The following FSTL5 variants were observed in gnomAD, a reference collection of about 807,000 sequenced individuals.
FSTL5 encodes follistatin like 5.
FSTL5 carries 62 observed loss-of-function variants against 89.1 expected under a neutral mutation model. That is an observed-to-expected ratio of 0.70 (90% CI 0.57 to 0.86). The LOEUF (loss-of-function observed/expected upper bound fraction) is 0.86. FSTL5 is among the 40% of genes least tolerant of loss of function. The pLI, the probability that FSTL5 is intolerant of heterozygous loss-of-function variation, is 0.00. For missense variants in FSTL5, 1,057 were observed against 1,001.6 expected, an observed-to-expected ratio of 1.06 and a Z score of -0.75; for synonymous variants, 383 against 346.2, an observed-to-expected ratio of 1.11 and a Z score of -1.18.
chr4:161,398,618 T>A (rs183251246), intron 15 of FSTL5, among the ~76,000 whole-genome samples: 3 of 152,268 alleles, frequency 2.0e-5, no homozygotes, highest in Admixed American at 2.0e-4. Flanking sequence ...AACTTCATTA[T>A]GTTTTAACTA....
chr4:162,163,347 A>G (rs1171065459), intron 1 of FSTL5, among the ~76,000 whole-genome samples: 1 of 151,380 alleles, frequency 6.6e-6, no homozygotes, highest in Non-Finnish European at 1.5e-5. Context: ...TTATAAAGCA[A>G]GATATAACAT....
intron 2 of FSTL5, among the ~76,000 whole-genome samples, chr4:162,078,075 T>C (rs1729941245): frequency 1.3e-5 from 2 of 151,844 alleles, no homozygotes; most frequent in Non-Finnish European, 2.9e-5. Context: ...CATCTGTACA[T>C]AGATGGACCA....
chr4:161,947,426 G>A (rs531291792), intron 3 of FSTL5, among the ~76,000 whole-genome samples: 3 of 152,104 alleles, frequency 2.0e-5, no homozygotes, highest in East Asian at 1.9e-4. Flanking sequence ...TATTCATGGA[G>A]TGAGTTGAAA....
intron 15 of FSTL5, among the ~76,000 whole-genome samples, chr4:161,389,419 C>T (rs903349371): frequency 2.0e-5 from 3 of 152,076 alleles, no homozygotes; most frequent in African/African-American, 7.2e-5. Context: ...ATAGTTATTT[C>T]TTCTTTCCAA....
intron 15 of FSTL5, among the ~76,000 whole-genome samples, chr4:161,446,087 G>A (rs898013228): frequency 6.6e-6 from 1 of 151,856 alleles, no homozygotes; most frequent in Non-Finnish European, 1.5e-5. Flanking sequence ...CAACTAAAAA[G>A]ATACAAAATA....
At chr4:161,418,456 G>A (rs1282728420) in intron 15 of FSTL5, among the ~76,000 whole-genome samples, 1 of 152,070 alleles carries the variant, frequency 6.6e-6, no homozygotes, top group Non-Finnish European at 1.5e-5. Flanking sequence ...GTGGGAAGTG[G>A]TGCTCCTTAT....
rs538489015 is a variant in FSTL5 at position 161,609,708 on chromosome 4, C to A, written c.895-22133G>T. Among the ~76,000 whole-genome samples, 4 of 151,910 alleles carry A rather than the reference C, an allele frequency of 2.6e-5. No homozygotes were observed. In the South Asian group the frequency reaches 6.2e-4, roughly 24 times the overall value. On this transcript the variant is annotated intron_variant, in intron 7 of 15. Transcript: ENST00000306100. The stretch of plus-strand genomic sequence containing the variant: ...AGACATGAGATTCATGGATCAGAGA[C>A]AAGGTATAGCAAGCAGCATGAGCTT...
At chr4:161,779,740 C>A (rs1741550752) in intron 4 of FSTL5, among the ~76,000 whole-genome samples, 1 of 45,928 alleles carries the variant, frequency 2.2e-5, no homozygotes, top group Admixed American at 2.9e-4. Context: ...TGTAATTTGT[C>A]CAAGGATTAT....
chr4:161,790,900 T>A (rs1258071497), intron 4 of FSTL5, among the ~76,000 whole-genome samples: 1 of 152,192 alleles, frequency 6.6e-6, no homozygotes. Context: ...CTTGCTATTA[T>A]CTGATCATGG....
At chr4:162,139,948 T>C (rs1216526847) in intron 1 of FSTL5, among the ~76,000 whole-genome samples, 1 of 151,966 alleles carries the variant, frequency 6.6e-6, no homozygotes, top group African/African-American at 2.4e-5. Context: ...ATCAAAAAGC[T>C]CCATGAAGAA....
At chr4:162,067,903 C>A (rs1208282081) in intron 2 of FSTL5, among the ~76,000 whole-genome samples, 2 of 151,792 alleles carry the variant, frequency 1.3e-5, no homozygotes, top group Admixed American at 1.3e-4. Flanking sequence ...TATACACCAA[C>A]AATAGACAAG....
chr4:161,553,178 A>T (rs1732272197), intron 8 of FSTL5, among the ~76,000 whole-genome samples: 1 of 151,548 alleles, frequency 6.6e-6, no homozygotes, highest in South Asian at 2.1e-4. Context: ...AGCTCAGGAA[A>T]TGCCTTCAAC....
chr4:162,041,202 TAAAAAA>T (rs5863513), intron 2 of FSTL5, among the ~76,000 whole-genome samples: 12 of 97,776 alleles, frequency 1.2e-4, no homozygotes, highest in African/African-American at 4.0e-4. Context: ...GATGAGATGG[TAAAAAA>T]AAAAAAAAAA....
chr4:161,456,166 C>A (rs1733344697), intron 14 of FSTL5, among the ~76,000 whole-genome samples: 1 of 152,050 alleles, frequency 6.6e-6, no homozygotes, highest in South Asian at 2.1e-4. Context: ...ATATTTTATT[C>A]TCTAATTATT....
chr4:161,415,496 C>A (rs1446393985), intron 15 of FSTL5, among the ~76,000 whole-genome samples: 2 of 152,026 alleles, frequency 1.3e-5, no homozygotes, highest in Non-Finnish European at 2.9e-5. Context: ...CTCAGGTGAT[C>A]CACCCGCATC....
At chr4:161,421,999 TATATATTC>T (rs1732006905) in intron 15 of FSTL5, among the ~76,000 whole-genome samples, 1 of 152,128 alleles carries the variant, frequency 6.6e-6, no homozygotes. Flanking sequence ...TAAATCTCTT[TATATATTC>T]ATATATTCAA....
chr4:161,526,968 A>G (rs937403089), intron 10 of FSTL5, among the ~76,000 whole-genome samples: 4 of 152,076 alleles, frequency 2.6e-5, no homozygotes, highest in African/African-American at 4.8e-5. Context: ...GTTTTTTCCA[A>G]TTCTGTGAAG....
At chr4:162,123,570 G>T (rs553142014) in intron 1 of FSTL5, among the ~76,000 whole-genome samples, 1 of 151,698 alleles carries the variant, frequency 6.6e-6, no homozygotes, top group Non-Finnish European at 1.5e-5. Context: ...GTAGATGAAC[G>T]TTTGCTCACT....
intron 2 of FSTL5, among the ~76,000 whole-genome samples, chr4:162,064,158 A>G (rs1738811731): frequency 6.6e-6 from 1 of 151,892 alleles, no homozygotes; most frequent in Admixed American, 6.6e-5. Context: ...GCTTGTATGC[A>G]TTTCTGCTCA....
Sources: allele counts gnomAD v4.1 joint callset (sites outside exome capture counted in the v4.1 genomes callset), GRCh38; gene constraint gnomAD v4.1.1; transcripts MANE v1.5; gene names NCBI Gene and HGNC (gene_info 2026-07-23, HGNC 2026-07-21).